The following WWOX variants were observed in gnomAD, a reference collection of about 807,000 sequenced individuals.
WWOX encodes WW domain containing oxidoreductase, also known as WW domain-containing oxidoreductase.
In WWOX, 69 loss-of-function variants were observed where a neutral mutation model predicts 46.2. The ratio of observed to expected loss-of-function variants is 1.49; its 90% CI spans 1.23 to 1.82. The LOEUF (loss-of-function observed/expected upper bound fraction) is 1.82. Ranked by LOEUF, WWOX falls within the 40% of genes most tolerant of loss-of-function variation. WWOX has a pLI of 0.00. For missense variants in WWOX, 919 were observed against 542.6 expected (o/e 1.69, Z -6.89); for synonymous variants, 359 against 202.6 (o/e 1.77, Z -6.56).
rs1205003459 is a variant in WWOX, at chr16:78,425,113, C to T, written c.791+58C>T. 5 of 1,599,088 alleles carry T rather than the reference C, an allele frequency of 3.1e-6. No homozygotes were observed. The Admixed American group carries it at 8.3e-5, about 27-fold the overall frequency. On this transcript the variant is annotated intron_variant, in intron 7 of 8. Transcript: ENST00000566780. Reference sequence around the variant, plus strand: ...CCCTTTCTCATACCAGCTAATATTCCCCCAAGGCTCTCATTCTGAAAATAA... The same window carrying T: ...CCCTTTCTCATACCAGCTAATATTCTCCCAAGGCTCTCATTCTGAAAATAA...
chr16:78,329,946 A>T (rs917376028), intron 5 of WWOX, among the ~76,000 whole-genome samples: 1 of 151,906 alleles, frequency 6.6e-6, no homozygotes, highest in Admixed American at 6.6e-5. Flanking sequence ...AGTTCTTGCT[A>T]TGTTGCCCAC....
At chr16:79,136,492 G>A (rs759367453) in intron 8 of WWOX, among the ~76,000 whole-genome samples, 2 of 152,150 alleles carry the variant, frequency 1.3e-5, no homozygotes, top group Non-Finnish European at 2.9e-5. Context: ...GCCTCCCAAA[G>A]TGCTGGGATT....
chr16:79,122,204 C>T (rs2049649475), intron 8 of WWOX, among the ~76,000 whole-genome samples: 1 of 152,090 alleles, frequency 6.6e-6, no homozygotes, highest in African/African-American at 2.4e-5. Context: ...TGTACCGCCT[C>T]TGGGCACAAT....
At chr16:78,792,178 C>T (rs1264994057) in intron 8 of WWOX, among the ~76,000 whole-genome samples, 1 of 152,118 alleles carries the variant, frequency 6.6e-6, no homozygotes, top group African/African-American at 2.4e-5. Flanking sequence ...ACATTCGATT[C>T]TCGCCATCTC....
rs1329073179 is a variant in WWOX at position 78,691,420 on chromosome 16, G to C, written c.1056+258668G>C. Reference sequence around the variant, plus strand: ...GGGTGCTTTAGAAAACATCTGGCTGGGCATGGTGGTTCACACCTGTAATCT... The same window carrying C: ...GGGTGCTTTAGAAAACATCTGGCTGCGCATGGTGGTTCACACCTGTAATCT... On this transcript the variant is annotated intron_variant, in intron 8 of 8. Transcript: ENST00000566780. The C allele has an allele frequency of 1.3e-5, 8 of 630,684 alleles. No homozygotes were observed. In the South Asian group the frequency reaches 1.5e-4, roughly 12 times the overall value. 39.1% of individuals were successfully genotyped at this position (630,684 alleles called of 1,614,324 possible). A position where few individuals can be genotyped will look rare whatever the true frequency, so the allele number is the denominator to read the frequency against.
chr16:79,060,321 G>T (rs1358021791), intron 8 of WWOX, among the ~76,000 whole-genome samples: 1 of 152,240 alleles, frequency 6.6e-6, no homozygotes, highest in East Asian at 1.9e-4. Context: ...TGACTGTCAT[G>T]CATTTTATAG....
intron 8 of WWOX, among the ~76,000 whole-genome samples, chr16:78,511,158 T>A (rs1352160388): frequency 3.9e-5 from 6 of 152,144 alleles, no homozygotes; most frequent in African/African-American, 1.4e-4. Flanking sequence ...TGCAACCGCC[T>A]GTACAAAAAT....
At chr16:78,776,860 A>G (rs1319415911) in intron 8 of WWOX, among the ~76,000 whole-genome samples, 2 of 152,176 alleles carry the variant, frequency 1.3e-5, no homozygotes, top group African/African-American at 4.8e-5. Context: ...CGCTATGTCA[A>G]GAATAGAATG....
At chr16:78,874,578 C>G (rs1194350227) in intron 8 of WWOX, among the ~76,000 whole-genome samples, 1 of 151,782 alleles carries the variant, frequency 6.6e-6, no homozygotes, top group African/African-American at 2.4e-5. Flanking sequence ...TCTGGATGGT[C>G]TCCACTACAG....
intron 8 of WWOX, among the ~76,000 whole-genome samples, chr16:78,466,790 G>C (rs2084088466): frequency 6.6e-6 from 1 of 152,186 alleles, no homozygotes; most frequent in Non-Finnish European, 1.5e-5. Context: ...AGAGGTTGCA[G>C]TGAGCCGATA....
chr16:78,343,078 A>G lies in WWOX; in HGVS notation c.517-43782A>G, dbSNP rs566808548. Among the ~76,000 whole-genome samples, 15 of 121,342 alleles carry G rather than the reference A, an allele frequency of 1.2e-4. 4 individuals carry two copies. The South Asian group carries it at 3.2e-3, about 26-fold the overall frequency. The allele number at this position is 121,342 out of a possible 152,430, so 79.6% of individuals were successfully genotyped here. ...TAGGCCACGCAACATTCCCACTGCC[A>G]TGTTGGCTTGTTTTTCTTTTGTTTT... On this transcript the variant is annotated intron_variant, in intron 5 of 8. Coordinates refer to ENST00000566780, the MANE Select transcript of WWOX (RefSeq NM_016373.4).
intron 8 of WWOX, among the ~76,000 whole-genome samples, chr16:78,471,751 G>C (rs1397571977): frequency 6.6e-6 from 1 of 152,158 alleles, no homozygotes. Context: ...GCCTGAACTA[G>C]GCTAGAGTTT....
chr16:79,065,662 C>T (rs1040785773), intron 8 of WWOX, among the ~76,000 whole-genome samples: 1 of 152,210 alleles, frequency 6.6e-6, no homozygotes, highest in Non-Finnish European at 1.5e-5. Flanking sequence ...ATTCAGACCC[C>T]TCTCCTAATC....
chr16:78,102,832 GT>G (rs1404951320), intron 1 of WWOX, among the ~76,000 whole-genome samples: 1 of 152,194 alleles, frequency 6.6e-6, no homozygotes, highest in Non-Finnish European at 1.5e-5. Flanking sequence ...ATGAGCCCCT[GT>G]GGGATGAGTA....
chr16:79,074,994 G>A (rs763494343), intron 8 of WWOX, among the ~76,000 whole-genome samples: 4 of 152,066 alleles, frequency 2.6e-5, no homozygotes, highest in Non-Finnish European at 4.4e-5. Flanking sequence ...CTACACATTC[G>A]ACTATTCCCT....
rs532314560 is a variant in WWOX at position 78,520,509 on chromosome 16, G to T, written c.1056+87757G>T. On this transcript the variant is annotated intron_variant, in intron 8 of 8. Coordinates refer to ENST00000566780, the MANE Select transcript of WWOX (RefSeq NM_016373.4). ...CTAGCCTGCTTTTACTAATGGTTCT[G>T]TGGAAGAAACACAGCTTGAATAAAT... Among the ~76,000 whole-genome samples, 4 of 152,106 alleles carry T rather than the reference G, an allele frequency of 2.6e-5. No homozygotes were observed. In the East Asian group the frequency reaches 7.7e-4, roughly 29 times the overall value.
At chr16:78,107,969 G>A (rs1283878876) in intron 1 of WWOX, among the ~76,000 whole-genome samples, 6 of 151,518 alleles carry the variant, frequency 4.0e-5, no homozygotes, top group Admixed American at 1.3e-4. Context: ...TTGCTCTGTC[G>A]CCAGGCTGGA....
chr16:79,120,994 C>T (rs1344310474), intron 8 of WWOX, among the ~76,000 whole-genome samples: 2 of 152,174 alleles, frequency 1.3e-5, no homozygotes, highest in South Asian at 4.1e-4. Context: ...GTTTCGAACT[C>T]GTGACCTCAG....
In WWOX at chr16:78,819,845, G is replaced by C. The variant is rs539118768; in HGVS notation, c.1056+387093G>C. Among the ~76,000 whole-genome samples the C allele has an allele frequency of 4.4e-4, 67 of 152,320 alleles. 1 individual carries two copies. In the South Asian group the frequency reaches 0.014, roughly 31 times the overall value. ...TAAGAGCTTACGTGTTTGCGCCAGT[G>C]AGACTTGCACTCAGTCTTCTTTGAG... On this transcript the variant is annotated intron_variant, in intron 8 of 8. Transcript: ENST00000566780.
Sources: allele counts gnomAD v4.1 joint callset (sites outside exome capture counted in the v4.1 genomes callset), GRCh38; gene constraint gnomAD v4.1.1; transcripts MANE v1.5; gene names NCBI Gene and HGNC (gene_info 2026-07-23, HGNC 2026-07-21).